Variants in NTM observed in about 807,000 individuals in gnomAD.
The protein encoded by NTM is IgLON family member 2.
Under a neutral mutation model 42.1 loss-of-function variants are expected in NTM, and 13 were observed. The ratio of observed to expected loss-of-function variants is 0.31; its 90% confidence interval spans 0.20 to 0.49. The LOEUF (loss-of-function observed/expected upper bound fraction) is 0.49. Among genes scored for constraint, NTM ranks in the 20% least tolerant of loss-of-function variants. NTM has a pLI of 0.99. For missense variants in NTM, 373 were observed against 452.8 expected (o/e 0.82, Z 1.60); for synonymous variants, 187 against 179.2 (o/e 1.04, Z -0.35).
intron 1 of NTM, among the ~76,000 whole-genome samples, chr11:131,856,785 C>A (rs765357155): frequency 2.0e-5 from 3 of 152,184 alleles, no homozygotes; most frequent in Non-Finnish European, 4.4e-5. Flanking sequence ...CTGTACTATA[C>A]TGTGGGAATG....
chr11:131,435,719 A>G (rs937209348), intron 1 of NTM, among the ~76,000 whole-genome samples: 9 of 152,246 alleles, frequency 5.9e-5, no homozygotes, highest in African/African-American at 2.2e-4. Context: ...ATATACAATC[A>G]TGTCATCTGC....
At chr11:132,314,347 CAT>C (rs1267275383) in intron 6 of NTM, among the ~76,000 whole-genome samples, 1 of 152,182 alleles carries the variant, frequency 6.6e-6, no homozygotes, top group Admixed American at 6.5e-5. Flanking sequence ...CCCCTGGGCA[CAT>C]GTGTGAAAAT....
At chr11:131,655,907 A>G (rs1272685134) in intron 1 of NTM, among the ~76,000 whole-genome samples, 2 of 152,226 alleles carry the variant, frequency 1.3e-5, no homozygotes, top group African/African-American at 4.8e-5. Flanking sequence ...TCGATTGGCC[A>G]TCTGGGCACC....
chr11:131,764,844 C>T (rs1016383555), intron 1 of NTM, among the ~76,000 whole-genome samples: 2 of 152,150 alleles, frequency 1.3e-5, no homozygotes, highest in Non-Finnish European at 2.9e-5. Flanking sequence ...GCCCCAGAGA[C>T]ATCATAACAG....
intron 1 of NTM, among the ~76,000 whole-genome samples, chr11:131,458,082 G>A (rs11222640): frequency 0.054 from 8,278 of 152,296 alleles, 524 homozygotes; most frequent in East Asian, 0.21. Flanking sequence ...ATCACTAGGG[G>A]ATGAGTGTGA....
At chr11:132,029,253 A>G (rs528147566) in intron 2 of NTM, among the ~76,000 whole-genome samples, 4 of 151,880 alleles carry the variant, frequency 2.6e-5, no homozygotes, top group Non-Finnish European at 5.9e-5. Context: ...GGTTAGTTAC[A>G]TATGTATACA....
At chr11:132,208,482 C>A (rs1330449427) in intron 3 of NTM, among the ~76,000 whole-genome samples, 3 of 152,216 alleles carry the variant, frequency 2.0e-5, no homozygotes, top group Non-Finnish European at 4.4e-5. Flanking sequence ...CAACTTCTAC[C>A]TCATGAGTTG....
chr11:131,589,909 A>G (rs544530545), intron 1 of NTM, among the ~76,000 whole-genome samples: 2 of 152,266 alleles, frequency 1.3e-5, no homozygotes, highest in Middle Eastern at 3.4e-3. Context: ...GAAAGTAGCA[A>G]AGAATATTTC....
At chr11:132,070,343 G>A (rs2057360564) in intron 2 of NTM, among the ~76,000 whole-genome samples, 1 of 138,076 alleles carries the variant, frequency 7.2e-6, no homozygotes, top group South Asian at 2.6e-4. Flanking sequence ...ACGTCACACA[G>A]CCAAAACACG....
At chr11:131,578,007 T>C (rs545800688) in intron 1 of NTM, among the ~76,000 whole-genome samples, 1 of 152,200 alleles carries the variant, frequency 6.6e-6, no homozygotes, top group Non-Finnish European at 1.5e-5. Context: ...AGCTAACAGG[T>C]ACTGAACAAC....
intron 4 of NTM, among the ~76,000 whole-genome samples, chr11:132,291,468 T>A (rs1046951980): frequency 6.6e-6 from 1 of 152,190 alleles, no homozygotes; most frequent in African/African-American, 2.4e-5. Context: ...AAATGTGGGA[T>A]GCCTATGAGA....
chr11:132,166,705 G>T (rs887566831), intron 3 of NTM, among the ~76,000 whole-genome samples: 3 of 152,162 alleles, frequency 2.0e-5, no homozygotes, highest in African/African-American at 7.2e-5. Context: ...TGCTGCTTTT[G>T]CTAAATTAGC....
chr11:131,556,964 T>A (rs2136961117), intron 1 of NTM, among the ~76,000 whole-genome samples: 1 of 152,292 alleles, frequency 6.6e-6, no homozygotes, highest in African/African-American at 2.4e-5. Context: ...AGAAACCTAA[T>A]GATAGGTGTA....
In NTM at chr11:131,487,963, T is replaced by C. The variant is rs1954364421; in HGVS notation, c.82+117075T>C. ...GTGATAGAGTTGGTGGGGTCTACAT[T>C]TCCTGGCACAGACCAGAGCTGGTAG... On this transcript the variant is annotated intron_variant, in intron 1 of 8. Transcript: ENST00000683400. Among the ~76,000 whole-genome samples the C allele has an allele frequency of 2.0e-5, 3 of 152,126 alleles. No homozygotes were observed. The South Asian group carries it at 6.2e-4, about 32-fold the overall frequency.
intron 3 of NTM, among the ~76,000 whole-genome samples, chr11:132,184,835 C>T (rs1293898048): frequency 3.9e-5 from 6 of 152,316 alleles, no homozygotes; most frequent in South Asian, 2.1e-4. Flanking sequence ...GCGTCATGAA[C>T]GTACCATGTC....
intron 7 of NTM, among the ~76,000 whole-genome samples, chr11:132,323,541 A>C (rs370918313): frequency 6.6e-6 from 1 of 151,866 alleles, no homozygotes; most frequent in Non-Finnish European, 1.5e-5. Flanking sequence ...TCAATAGCTT[A>C]CCAACCAAAA....
chr11:131,623,322 T>C (rs1292392291), intron 1 of NTM, among the ~76,000 whole-genome samples: 1 of 152,188 alleles, frequency 6.6e-6, no homozygotes, highest in Admixed American at 6.5e-5. Flanking sequence ...GAGAATCCAG[T>C]GGAAATATAT....
Position 131,719,785 on chromosome 11 carries a change from G to A in NTM, c.83-191779G>A, listed in dbSNP as rs148792049. Among the ~76,000 whole-genome samples, 445 of 152,264 alleles carry A rather than the reference G, an allele frequency of 2.9e-3. 1 individual carries two copies. The highest frequency in any genetic ancestry group is 7.7e-3 in the Admixed American group (118 of 15,296). ...AGCCAAATCATCATGCATTACCTCC[G>A]CTGGGAAATTCACTCTCCAGGATCT... is the stretch of plus-strand genomic sequence containing the variant. On this transcript the variant is annotated intron_variant, in intron 1 of 8. Coordinates refer to ENST00000683400, the MANE Select transcript of NTM (RefSeq NM_001352005.2).
intron 4 of NTM, among the ~76,000 whole-genome samples, chr11:132,222,866 C>T (rs976659879): frequency 6.6e-6 from 1 of 152,174 alleles, no homozygotes; most frequent in Non-Finnish European, 1.5e-5. Flanking sequence ...ATTCAGGACT[C>T]CCCCTGTTTA....
Sources: allele counts gnomAD v4.1 joint callset (sites outside exome capture counted in the v4.1 genomes callset), GRCh38; gene constraint gnomAD v4.1.1; transcripts MANE v1.5; gene names NCBI Gene and HGNC (gene_info 2026-07-23, HGNC 2026-07-21).